Variants in NRXN1 observed in about 807,000 individuals in gnomAD.
NRXN1 encodes neurexin 1.
NRXN1 carries 39 observed loss-of-function variants against 150.9 expected under a neutral mutation model. The ratio of observed to expected loss-of-function variants is 0.26; its 90% CI spans 0.20 to 0.34. NRXN1 has a LOEUF of 0.34. NRXN1 is among the 10% of genes least tolerant of loss of function. The pLI, the probability that NRXN1 is intolerant of heterozygous loss-of-function variation, is 1.00. For missense variants in NRXN1, 1,815 were observed against 1,949.9 expected (o/e 0.93, Z 1.30); for synonymous variants, 924 against 757.0 (o/e 1.22, Z -3.62).
At chr2:50,136,686 T>C (rs1195607207) in intron 18 of NRXN1, among the ~76,000 whole-genome samples, 1 of 152,216 alleles carries the variant, frequency 6.6e-6, no homozygotes, top group East Asian at 1.9e-4. Flanking sequence ...TAATCAGGCA[T>C]AACAGCCATG....
intron 5 of NRXN1, among the ~76,000 whole-genome samples, chr2:50,654,669 C>G (rs1686148723): frequency 6.6e-6 from 1 of 152,054 alleles, no homozygotes; most frequent in Non-Finnish European, 1.5e-5. Context: ...GTTCCTATTT[C>G]TCCACATCCT....
chr2:50,617,046 A>T (rs1679174694), intron 8 of NRXN1, among the ~76,000 whole-genome samples: 1 of 152,180 alleles, frequency 6.6e-6, no homozygotes, highest in Non-Finnish European at 1.5e-5. Context: ...ACAATCCATG[A>T]TACTTTGTCA....
intron 8 of NRXN1, among the ~76,000 whole-genome samples, chr2:50,602,475 G>C (rs1264021560): frequency 6.6e-6 from 1 of 151,114 alleles, no homozygotes; most frequent in African/African-American, 2.4e-5. Flanking sequence ...TCTCTTCACT[G>C]TTCAGAATTT....
chr2:50,714,224 C>T lies in NRXN1; in HGVS notation c.833-90609G>A, dbSNP rs138833658. 4.1e-3 allele frequency among the ~76,000 whole-genome samples: 625 copies of T among 152,186 alleles called. 5 individuals are homozygous for T. The highest frequency in any genetic ancestry group is 6.9e-3 in the Non-Finnish European group (468 of 67,996). ...TCCTTTATATGGCCACACAGGAGTC[C>T]CTTGGCTATACAATTTGCACTTTAA... On this transcript the variant is annotated intron_variant, in intron 5 of 22. Transcript: ENST00000401669.
chr2:50,907,361 G>A (rs533516264), intron 5 of NRXN1, among the ~76,000 whole-genome samples: 1 of 152,020 alleles, frequency 6.6e-6, no homozygotes, highest in Non-Finnish European at 1.5e-5. Context: ...AACTCTGAAA[G>A]TGCCTGTGTT....
intron 19 of NRXN1, among the ~76,000 whole-genome samples, chr2:50,089,589 C>T (rs1345834638): frequency 5.3e-5 from 8 of 152,024 alleles, no homozygotes; most frequent in African/African-American, 1.9e-4. Context: ...GTGTTCAAGA[C>T]CAGCCTGAGC....
chr2:50,768,237 T>C (rs1559233674), intron 5 of NRXN1, among the ~76,000 whole-genome samples: 1 of 152,014 alleles, frequency 6.6e-6, no homozygotes, highest in Non-Finnish European at 1.5e-5. Context: ...GGAAGAAGTA[T>C]GTGGGATATT....
chr2:50,622,386 T>C (rs1192418400), intron 6 of NRXN1, among the ~76,000 whole-genome samples: 2 of 152,172 alleles, frequency 1.3e-5, no homozygotes, highest in Non-Finnish European at 2.9e-5. Flanking sequence ...CCGGTCATTC[T>C]GCAACTGTTC....
intron 2 of NRXN1, among the ~76,000 whole-genome samples, chr2:50,974,840 C>T (rs1278003852): frequency 3.9e-5 from 6 of 152,100 alleles, no homozygotes; most frequent in African/African-American, 1.4e-4. Flanking sequence ...ACTCCCACGA[C>T]TCATAATTAA....
intron 17 of NRXN1, among the ~76,000 whole-genome samples, chr2:50,396,056 A>T (rs569044061): frequency 1.3e-3 from 201 of 152,280 alleles, no homozygotes; most frequent in African/African-American, 4.5e-3. Context: ...GTTTTCATAA[A>T]CTAAAATTAG....
intron 22 of NRXN1, among the ~76,000 whole-genome samples, chr2:49,927,566 A>C (rs1669316077): frequency 6.6e-6 from 1 of 152,176 alleles, no homozygotes; most frequent in African/African-American, 2.4e-5. Flanking sequence ...TTCCAAGGAG[A>C]TTTCCCTTTG....
At chr2:50,571,533 T>C (rs1670661231) in intron 8 of NRXN1, among the ~76,000 whole-genome samples, 1 of 152,312 alleles carries the variant, frequency 6.6e-6, no homozygotes, top group African/African-American at 2.4e-5. Flanking sequence ...AATCTATGGC[T>C]GAGCACATTT....
chr2:50,520,840 C>T (rs986137106), intron 12 of NRXN1, among the ~76,000 whole-genome samples: 1 of 151,966 alleles, frequency 6.6e-6, no homozygotes, highest in South Asian at 2.1e-4. Flanking sequence ...ATATGTCTGA[C>T]TACTAAGAGA....
chr2:50,866,350 T>C (rs935537121), intron 5 of NRXN1, among the ~76,000 whole-genome samples: 1 of 152,084 alleles, frequency 6.6e-6, no homozygotes, highest in African/African-American at 2.4e-5. Flanking sequence ...TTATGAATTG[T>C]GTACTATCTT....
intron 17 of NRXN1, among the ~76,000 whole-genome samples, chr2:50,369,553 C>T (rs143700233): frequency 2.0e-5 from 3 of 151,930 alleles, no homozygotes; most frequent in East Asian, 1.9e-4. Context: ...CTGGTAGAAT[C>T]GATGGACAGC....
At chr2:50,981,245 C>A (rs1203016893) in intron 2 of NRXN1, among the ~76,000 whole-genome samples, 2 of 151,474 alleles carry the variant, frequency 1.3e-5, no homozygotes, top group African/African-American at 4.8e-5. Flanking sequence ...TCACTTGAGG[C>A]CAAGAGTTTG....
At chr2:50,634,781 G>A (rs1222997980) in intron 5 of NRXN1, among the ~76,000 whole-genome samples, 1 of 152,102 alleles carries the variant, frequency 6.6e-6, no homozygotes, top group Non-Finnish European at 1.5e-5. Flanking sequence ...TATTGGGAAG[G>A]AGCTGATGAG....
At chr2:50,846,635 C>G (rs1252076254) in intron 5 of NRXN1, among the ~76,000 whole-genome samples, 1 of 152,134 alleles carries the variant, frequency 6.6e-6, no homozygotes, top group Non-Finnish European at 1.5e-5. Context: ...AAAATATTTT[C>G]TGGGAGCAGT....
At chr2:50,727,836 A>G (rs1421778205) in intron 5 of NRXN1, among the ~76,000 whole-genome samples, 5 of 152,140 alleles carry the variant, frequency 3.3e-5, no homozygotes, top group Non-Finnish European at 7.4e-5. Flanking sequence ...AAAGGTGGGT[A>G]GATGAGGGGA....
Sources: allele counts gnomAD v4.1 joint callset (sites outside exome capture counted in the v4.1 genomes callset), GRCh38; gene constraint gnomAD v4.1.1; transcripts MANE v1.5; gene names NCBI Gene and HGNC (gene_info 2026-07-23, HGNC 2026-07-21).